ALDH1A2: variants seen among roughly 807,000 people sequenced by gnomAD.
The protein encoded by ALDH1A2 is retinal dehydrogenase 2.
Under a neutral mutation model 60.3 loss-of-function variants are expected in ALDH1A2, and 27 were observed. That is an observed-to-expected ratio of 0.45 (90% CI 0.33 to 0.62). The LOEUF (loss-of-function observed/expected upper bound fraction) is 0.62. ALDH1A2 is among the 20% of genes least tolerant of loss of function. The pLI, the probability that ALDH1A2 is intolerant of heterozygous loss-of-function variation, is 0.02. For synonymous variants in ALDH1A2, 289 were observed against 232.4 expected, an observed-to-expected ratio of 1.24 and a Z score of -2.21; for missense variants, 581 against 643.8, an observed-to-expected ratio of 0.90 and a Z score of 1.06.
intron 4 of ALDH1A2, among the ~76,000 whole-genome samples, chr15:58,007,764 C>CT (rs1322571515): frequency 6.7e-6 from 1 of 149,606 alleles, no homozygotes; most frequent in Admixed American, 6.7e-5. Flanking sequence ...TGGTTAAAGA[C>CT]TAACGGACTT....
chr15:57,980,862 C>T (rs1278362074), intron 7 of ALDH1A2, among the ~76,000 whole-genome samples: 1 of 152,132 alleles, frequency 6.6e-6, no homozygotes, highest in African/African-American at 2.4e-5. Context: ...AGGAATGGTA[C>T]CACCTCTTCT....
At chr15:58,006,265 A>G (rs1214720105) in intron 4 of ALDH1A2, among the ~76,000 whole-genome samples, 1 of 151,920 alleles carries the variant, frequency 6.6e-6, no homozygotes, top group African/African-American at 2.4e-5. Context: ...AATATAAGAT[A>G]TTTGGTTTTC....
chr15:58,044,668 C>T (rs1407341573), intron 1 of ALDH1A2, among the ~76,000 whole-genome samples: 3 of 151,992 alleles, frequency 2.0e-5, no homozygotes, highest in African/African-American at 7.2e-5. Flanking sequence ...CAGTCAACAA[C>T]CAGACTATTA....
chr15:57,955,300 C>G, intron 12 of ALDH1A2, 31 bp from the exon 13 acceptor site: 1 of 1,612,372 alleles, frequency 6.2e-7, no homozygotes, highest in Non-Finnish European at 8.5e-7. Context: ...GGGTCAGATA[C>G]CAGAAGTCCA....
intron 12 of ALDH1A2, 47 bp from the exon 13 acceptor site, chr15:57,955,316 C>T: frequency 6.2e-7 from 1 of 1,603,040 alleles, no homozygotes; most frequent in Non-Finnish European, 8.5e-7. Context: ...GTCCAGGGAG[C>T]TGCATGTGAG....
intron 1 of ALDH1A2, among the ~76,000 whole-genome samples, chr15:58,029,492 A>G (rs1896173170): frequency 1.3e-5 from 2 of 152,204 alleles, no homozygotes; most frequent in Middle Eastern, 3.4e-3. Context: ...GAACTAGAGA[A>G]GCAACAGCAA....
chr15:58,033,618 C>T (rs1896300444), intron 1 of ALDH1A2, among the ~76,000 whole-genome samples: 1 of 150,858 alleles, frequency 6.6e-6, no homozygotes, highest in Admixed American at 6.6e-5. Context: ...AATGATTTCT[C>T]AATTAACTCA....
intron 1 of ALDH1A2, among the ~76,000 whole-genome samples, chr15:58,034,983 C>G (rs1324801042): frequency 6.6e-6 from 1 of 151,636 alleles, no homozygotes; most frequent in Non-Finnish European, 1.5e-5. Context: ...ACGATGGCCT[C>G]ATAAAATGAG....
chr15:58,023,835 T>C (rs550962418), intron 1 of ALDH1A2, among the ~76,000 whole-genome samples: 20 of 152,250 alleles, frequency 1.3e-4, no homozygotes, highest in South Asian at 6.2e-4. Context: ...TGCATGCTTG[T>C]AATCCCAGCA....
intron 4 of ALDH1A2, among the ~76,000 whole-genome samples, chr15:58,009,013 C>CAAGGGAAAAACCTCTAGATGG (rs1278385363): frequency 1.3e-5 from 2 of 152,044 alleles, no homozygotes; most frequent in African/African-American, 4.8e-5. Context: ...GTCAGTTGAA[C>CAAGGGAAAAACCTCTAGATGG]AAGGGAAAAA....
chr15:57,963,555 G>A (rs1163018725), intron 9 of ALDH1A2, among the ~76,000 whole-genome samples: 1 of 151,912 alleles, frequency 6.6e-6, no homozygotes, highest in East Asian at 1.9e-4. Flanking sequence ...ATATTAGCCA[G>A]GATGGTCTCG....
chr15:58,034,194 T>A (rs1234251414), intron 1 of ALDH1A2, among the ~76,000 whole-genome samples: 1 of 151,628 alleles, frequency 6.6e-6, no homozygotes, highest in Non-Finnish European at 1.5e-5. Flanking sequence ...AATGTACATA[T>A]TTTATTATAT....
chr15:57,976,126 A>T lies in ALDH1A2; in HGVS notation c.799-10299T>A, dbSNP rs4287504. The stretch of plus-strand genomic sequence containing the variant: ...AGTTGGTCTTTGCACAACTACTGAA[A>T]AACAAAGGAAACTACGTAACATTTT... On this transcript the variant is annotated intron_variant, in intron 7 of 12. Coordinates refer to ENST00000249750, the MANE Select transcript of ALDH1A2 (RefSeq NM_003888.4). Among the ~76,000 whole-genome samples, 67 of 152,270 alleles carry T rather than the reference A, an allele frequency of 4.4e-4. 1 individual carries two copies. In the South Asian group the frequency reaches 0.012, roughly 27 times the overall value.
chr15:57,961,355 A>G, intron 10 of ALDH1A2, 61 bp from the exon 11 acceptor site: 1 of 1,579,822 alleles, frequency 6.3e-7, no homozygotes. Flanking sequence ...TGCTTTCCAC[A>G]TTTCAATGCA....
At chr15:57,958,100 A>G (rs1893593165) in intron 12 of ALDH1A2, among the ~76,000 whole-genome samples, 1 of 152,208 alleles carries the variant, frequency 6.6e-6, no homozygotes, top group South Asian at 2.1e-4. Context: ...CCTGGGTCCT[A>G]TCGCAGATCA....
intron 4 of ALDH1A2, among the ~76,000 whole-genome samples, chr15:58,000,772 G>A (rs1454133722): frequency 1.3e-5 from 2 of 151,880 alleles, no homozygotes; most frequent in South Asian, 2.1e-4. Context: ...GAATCAACAG[G>A]TCTAGGATGG....
intron 7 of ALDH1A2, among the ~76,000 whole-genome samples, chr15:57,971,472 T>C (rs982056262): frequency 4.6e-5 from 7 of 152,312 alleles, no homozygotes; most frequent in African/African-American, 9.6e-5. Flanking sequence ...CTTGCCAAGG[T>C]TGAACTGTAG....
intron 7 of ALDH1A2, among the ~76,000 whole-genome samples, chr15:57,991,217 T>C (rs1180867123): frequency 6.6e-6 from 1 of 152,224 alleles, no homozygotes; most frequent in Non-Finnish European, 1.5e-5. Context: ...ATTGCATCTT[T>C]AGTTTTTCTT....
intron 7 of ALDH1A2, among the ~76,000 whole-genome samples, chr15:57,988,837 G>A (rs16977883): frequency 0.089 from 13,559 of 152,128 alleles, 628 homozygotes; most frequent in East Asian, 0.12. Flanking sequence ...TGGCCTGAAA[G>A]AGGAGATTCC....
Sources: gnomAD v4.1 joint callset for allele counts (sites outside exome capture counted in the v4.1 genomes callset) on GRCh38, gnomAD v4.1.1 for gene constraint, MANE v1.5 for transcripts, NCBI Gene and HGNC (gene_info 2026-07-23, HGNC 2026-07-21) for gene names.